The following IL31RA variants were observed in gnomAD, a reference collection of about 807,000 sequenced individuals.
IL31RA encodes interleukin 31 receptor A, also known as interleukin-31 receptor subunit alpha.
A neutral mutation model predicts 83.7 loss-of-function variants in IL31RA; 66 were observed. The ratio of observed to expected loss-of-function variants is 0.79; its 90% CI spans 0.65 to 0.97. The LOEUF (loss-of-function observed/expected upper bound fraction) is 0.97, where lower values mean the gene tolerates loss of function less well. Ranked by LOEUF, IL31RA falls within the 50% of genes least tolerant of loss-of-function variation. The probability of loss-of-function intolerance (pLI) is 0.00; values close to 1 mark genes in which losing one functional copy is unlikely to be tolerated. For synonymous variants in IL31RA, 325 were observed against 329.0 expected (o/e 0.99, Z 0.13); for missense variants, 798 against 919.4 (o/e 0.87, Z 1.71).
chr5:55,848,955 C>G (rs1744993994), upstream of IL31RA, among the ~76,000 whole-genome samples: 1 of 152,198 alleles, frequency 6.6e-6, no homozygotes, highest in Non-Finnish European at 1.5e-5. Context: ...CAACAAATCA[C>G]ATTGCTCCTC....
At chr5:55,907,488 A>G (rs762919113) in intron 10 of IL31RA, 28 bp downstream of exon 10, 3 of 1,458,498 alleles carry the variant, frequency 2.1e-6, no homozygotes, top group African/African-American at 2.8e-5. Flanking sequence ...CCTGTGGGGA[A>G]AAGGAAACAG....
Position 55,905,991 on chromosome 5 carries a change from G to A in IL31RA, c.1070-115G>A, listed in dbSNP as rs754129414. 3.9e-6 allele frequency: 4 copies of A among 1,018,662 alleles called. 1 individual carries two copies. Among genetic ancestry groups the A allele is most frequent in the South Asian group, 3.8e-5 (3 of 78,164 alleles). The allele number at this position is 1,018,662 out of a possible 1,614,324, so 63.1% of individuals were successfully genotyped here. ...AGCCCCATCCGGGGAGGCTGCAGTG[G>A]AGATCCTGAACTTTGGCCTTGTTTT... On this transcript the variant is annotated intron_variant, in intron 8 of 14. Coordinates refer to ENST00000652347, the MANE Select transcript of IL31RA (RefSeq NM_139017.7).
intron 11 of IL31RA, among the ~76,000 whole-genome samples, chr5:55,909,830 AAGT>A (rs1340147120): frequency 6.6e-6 from 1 of 151,422 alleles, no homozygotes; most frequent in Non-Finnish European, 1.5e-5. Context: ...TCAGCCTCCC[AAGT>A]AGCTGGGATT....
Position 55,922,506 on chromosome 5 carries a change from A to T in IL31RA, c.*5386A>T. 7.9e-7 allele frequency: 1 copy of T among 1,266,518 alleles called. No homozygotes were observed. Among genetic ancestry groups the T allele is most frequent in the Non-Finnish European group, 1.1e-6 (1 of 896,328 alleles). 78.5% of individuals were successfully genotyped at this position (1,266,518 alleles called of 1,614,324 possible). ...AAAGGACATGCAGAGTTTTCCAACT[A>T]GGAAGACTGAATCTGTGGCCCCAAG... On this transcript the variant is annotated 3_prime_UTR_variant, in exon 15 of 15. Coordinates refer to ENST00000652347, the MANE Select transcript of IL31RA (RefSeq NM_139017.7).
At chr5:55,865,342 G>A (rs1300964610) in intron 2 of IL31RA, among the ~76,000 whole-genome samples, 1 of 152,132 alleles carries the variant, frequency 6.6e-6, no homozygotes, top group African/African-American at 2.4e-5. Context: ...CCTGGCTCAT[G>A]TGCAGGACTA....
chr5:55,893,383 G>A (rs996586879), intron 6 of IL31RA, among the ~76,000 whole-genome samples: 3 of 152,214 alleles, frequency 2.0e-5, no homozygotes, highest in African/African-American at 4.8e-5. Flanking sequence ...TCTAGCAGGG[G>A]CACCTGCACA....
intron 1 of IL31RA, among the ~76,000 whole-genome samples, chr5:55,852,790 G>A (rs2112264564): frequency 6.6e-6 from 1 of 152,298 alleles, no homozygotes; most frequent in East Asian, 1.9e-4. Context: ...GAGTCAGGCT[G>A]CCTTGGTTCA....
In IL31RA at chr5:55,906,202, TTGAA is replaced by T; in HGVS notation, c.1169_1172del (p.Glu390GlyfsTer30). The T allele has an allele frequency of 6.2e-7, 1 of 1,614,210 alleles. No individual in the cohort carries two copies. Among genetic ancestry groups the T allele is most frequent in the Non-Finnish European group, 8.5e-7 (1 of 1,180,038 alleles). On this transcript the variant is annotated frameshift_variant, in exon 9 of 15. Transcript: ENST00000652347. LOFTEE classifies it high-confidence loss of function. ...GCTCTAGACGTGAACACTTGGATGA[TTGAA>T]TGGTTTCCGGATGTGGACTCAGAGC...
At chr5:55,883,987 A>C (rs778530914) in intron 5 of IL31RA, among the ~76,000 whole-genome samples, 10 of 152,214 alleles carry the variant, frequency 6.6e-5, no homozygotes, top group South Asian at 2.1e-4. Context: ...CATAGTATGA[A>C]CATGATGGAA....
intron 8 of IL31RA, among the ~76,000 whole-genome samples, chr5:55,901,980 A>C (rs755793172): frequency 5.3e-5 from 8 of 152,170 alleles, no homozygotes; most frequent in African/African-American, 1.7e-4. Context: ...ATCGACTTTA[A>C]AAATATTATA....
intron 5 of IL31RA, among the ~76,000 whole-genome samples, chr5:55,887,758 A>G (rs6861454): frequency 0.63 from 96,006 of 151,796 alleles, 31,909 homozygotes; most frequent in African/African-American, 0.85. Flanking sequence ...GTTGGCAGGC[A>G]CCTGTAGTCC....
chr5:55,917,485 CCTTT>C lies in IL31RA; in HGVS notation c.*366_*369del. On this transcript the variant is annotated 3_prime_UTR_variant, in exon 15 of 15. Transcript: ENST00000652347. ...CCCAGGAATTGGGTCATGGTCCCAGCCTTTGCTGGGGCTGAGCCTCAGAGTTCCA... is the reference window on the plus strand; with the variant it reads ...CCCAGGAATTGGGTCATGGTCCCAGCGCTGGGGCTGAGCCTCAGAGTTCCA... The C allele has an allele frequency of 8.2e-6, 3 of 363,704 alleles. No individual in the cohort carries two copies. The highest frequency in any genetic ancestry group is 1.4e-5 in the Non-Finnish European group (3 of 217,238). 22.5% of individuals were successfully genotyped at this position (363,704 alleles called of 1,614,324 possible). A position where few individuals can be genotyped will look rare whatever the true frequency, so the allele number is the denominator to read the frequency against.
chr5:55,897,558 C>T (rs1748486668), intron 7 of IL31RA, among the ~76,000 whole-genome samples: 1 of 152,100 alleles, frequency 6.6e-6, no homozygotes. Flanking sequence ...ACATATATGG[C>T]ACATGTGTGT....
Position 55,911,564 on chromosome 5 carries a change from A to G in IL31RA, c.1642+892A>G, listed in dbSNP as rs1478944757. Among the ~76,000 whole-genome samples the G allele has an allele frequency of 2.6e-5, 4 of 152,302 alleles. No individual in the cohort carries two copies. The East Asian group carries it at 7.7e-4, about 29-fold the overall frequency. ...TTTACATTAAAAAATAGCAAGAAAA[A>G]TTTACTAGAGACAACAAATAATGTA... is the stretch of plus-strand genomic sequence containing the variant. On this transcript the variant is annotated intron_variant, in intron 12 of 14. Coordinates refer to ENST00000652347, the MANE Select transcript of IL31RA (RefSeq NM_139017.7).
chr5:55,914,232 G>A (rs1749660439), intron 13 of IL31RA, among the ~76,000 whole-genome samples: 1 of 152,174 alleles, frequency 6.6e-6, no homozygotes, highest in South Asian at 2.1e-4. Context: ...TTAGTTAATG[G>A]TCAAGCTAAT....
Position 55,921,022 on chromosome 5 carries a change from A to AC in IL31RA, c.*3903dup, listed in dbSNP as rs1295590610. ...TCTTATAATGCGCAGAACAGCCCTC[A>AC]CAACAAAGAATTATCTGGCAGAAAA... On this transcript the variant is annotated 3_prime_UTR_variant, in exon 15 of 15. Transcript: ENST00000652347. Among the ~76,000 whole-genome samples the AC allele has an allele frequency of 6.6e-6, 1 of 152,162 alleles. No homozygotes were observed. Among genetic ancestry groups the AC allele is most frequent in the Non-Finnish European group, 1.5e-5 (1 of 68,036 alleles).
At chr5:55,900,821 A>T (rs1213237626) in intron 8 of IL31RA, among the ~76,000 whole-genome samples, 1 of 152,138 alleles carries the variant, frequency 6.6e-6, no homozygotes, top group Non-Finnish European at 1.5e-5. Flanking sequence ...TATTTATTTT[A>T]CTACCTTTTT....
intron 1 of IL31RA, among the ~76,000 whole-genome samples, chr5:55,853,825 G>A (rs922953197): frequency 1.3e-5 from 2 of 152,148 alleles, no homozygotes; most frequent in African/African-American, 4.8e-5. Flanking sequence ...TATCTTTCAG[G>A]AAACTCTAGG....
intron 11 of IL31RA, 90 bp from the exon 12 acceptor site, chr5:55,910,442 C>T (rs1444066162): frequency 2.1e-6 from 3 of 1,431,572 alleles, no homozygotes; most frequent in East Asian, 2.3e-5. Flanking sequence ...CTTGGAAGCA[C>T]AGGTTCCAAT....
Sources: allele counts gnomAD v4.1 joint callset (sites outside exome capture counted in the v4.1 genomes callset), GRCh38; gene constraint gnomAD v4.1.1; transcripts MANE v1.5; gene names NCBI Gene and HGNC (gene_info 2026-07-23, HGNC 2026-07-21).